The following SPDYE5 variants were observed in gnomAD, a reference collection of about 807,000 sequenced individuals.
SPDYE5 encodes the protein speedy protein E5.
A neutral mutation model predicts 48.5 loss-of-function variants in SPDYE5; 15 were observed. The observed-to-expected ratio is 0.31, with a 90% CI of 0.21 to 0.48. The LOEUF (loss-of-function observed/expected upper bound fraction) is 0.48, where lower values mean the gene tolerates loss of function less well. Ranked by LOEUF, SPDYE5 falls within the 20% of genes least tolerant of loss-of-function variation. The pLI is 0.99. For missense variants in SPDYE5, 331 were observed against 549.1 expected, an observed-to-expected ratio of 0.60 and a Z score of 3.97; for synonymous variants, 116 against 200.7, an observed-to-expected ratio of 0.58 and a Z score of 3.57.
At chr7:75,500,992 G>A (rs1453665579) in intron 6 of SPDYE5, among the ~76,000 whole-genome samples, 8 of 152,218 alleles carry the variant, frequency 5.3e-5, no homozygotes, top group African/African-American at 1.9e-4. Context: ...ACAGGCATGA[G>A]CCACCGCGTC....
chr7:75,503,771 ATTATT>A lies in SPDYE5; in HGVS notation c.*991_*995del, dbSNP rs1257285640. 6.7e-6 allele frequency: 1 copy of A among 149,396 alleles called. No homozygotes were observed. Among genetic ancestry groups the A allele is most frequent in the Non-Finnish European group, 1.5e-5 (1 of 67,410 alleles). The allele number at this position is 149,396 out of a possible 1,614,324, so 9.3% of individuals were successfully genotyped here. A position where few individuals can be genotyped will look rare whatever the true frequency, so the allele number is the denominator to read the frequency against. ...AACATGGGTATAGAATTATTTAAAT[ATTATT>A]TTATTTATTGAAATATTTATTAAAT... On this transcript the variant is annotated 3_prime_UTR_variant, in exon 9 of 9. Transcript: ENST00000625065.
At chr7:75,498,266 G>A (rs1382986929) in intron 5 of SPDYE5, among the ~76,000 whole-genome samples, 1 of 151,708 alleles carries the variant, frequency 6.6e-6, no homozygotes, top group Non-Finnish European at 1.5e-5. Context: ...TGGGATTACA[G>A]ACATGAACCA....
rs1172620928 is a variant in SPDYE5 at position 75,504,080 on chromosome 7, A to G, written c.*1293A>G. 9.2e-5 allele frequency: 14 copies of G among 152,242 alleles called. 2 individuals are homozygous for G. The highest frequency in any genetic ancestry group is 1.9e-4 in the East Asian group (1 of 5,190). The allele number at this position is 152,242 out of a possible 1,614,324, so 9.4% of individuals were successfully genotyped here. Reference sequence around the variant, plus strand: ...ATATATATTACATTTATAGCTATGTAGTAGTTCCCCTAAATTCTTGTAAAA... The same window carrying G: ...ATATATATTACATTTATAGCTATGTGGTAGTTCCCCTAAATTCTTGTAAAA... On this transcript the variant is annotated 3_prime_UTR_variant, in exon 9 of 9. Transcript: ENST00000625065.
chr7:75,501,707 C>G lies in SPDYE5; in HGVS notation c.1101C>G (p.Phe367Leu). 6.2e-7 allele frequency: 1 copy of G among 1,611,662 alleles called. No homozygotes were observed. Among genetic ancestry groups the G allele is most frequent in the Non-Finnish European group, 8.5e-7 (1 of 1,179,022 alleles). ...TCCAGAAACGTCGGTTCCAGTTCTT[C>G]TGTTCCATGAGCGGCAGGGCTTGGG... Reference protein sequence around the residue: ...VLFQKRRFQFFCSMSGRAWVS... With the variant: ...VLFQKRRFQFLCSMSGRAWVS... Residue 367 changes from phenylalanine (F) to leucine (L), a missense_variant, in exon 7 of 9, where the codon TTC becomes TTG. Coordinates refer to ENST00000625065, the MANE Select transcript of SPDYE5 (RefSeq NM_001306141.4).
At chr7:75,497,156 C>G (rs1196520429) in intron 4 of SPDYE5, among the ~76,000 whole-genome samples, 1 of 152,076 alleles carries the variant, frequency 6.6e-6, no homozygotes, top group Non-Finnish European at 1.5e-5. Flanking sequence ...CCTGAGATCC[C>G]AGCATGTTGG....
chr7:75,498,081 C>T (rs1350789122), intron 5 of SPDYE5, 85 bp downstream of exon 5: 3 of 1,378,754 alleles, frequency 2.2e-6, no homozygotes, highest in East Asian at 2.3e-5. Context: ...GTTCTCCCTC[C>T]ACCACCTCCC....
Position 75,502,994 on chromosome 7 carries a change from G to A in SPDYE5, c.*207G>A, listed in dbSNP as rs1793208166. On this transcript the variant is annotated 3_prime_UTR_variant, in exon 9 of 9. Coordinates refer to ENST00000625065, the MANE Select transcript of SPDYE5 (RefSeq NM_001306141.4). ...TACAGTGATCACGTTGTCCTCCTAG[G>A]AGCAGGGGTGGGGGGAGGGGGGTGG... is the stretch of plus-strand genomic sequence containing the variant. 1 of 445,596 alleles carries A rather than the reference G, an allele frequency of 2.2e-6. No individual in the cohort carries two copies. Among genetic ancestry groups the A allele is most frequent in the Non-Finnish European group, 4.3e-6 (1 of 233,260 alleles). The allele number at this position is 445,596 out of a possible 1,614,324, so 27.6% of individuals were successfully genotyped here.
chr7:75,496,528 G>A (rs1792939990), intron 3 of SPDYE5, 146 bp from the exon 4 acceptor site: 1 of 1,174,086 alleles, frequency 8.5e-7, no homozygotes, highest in Admixed American at 2.0e-5. Flanking sequence ...GAGCTCAGCA[G>A]AGGAGACAGA....
Position 75,501,767 on chromosome 7 carries a change from C to A in SPDYE5, c.1149+12C>A, listed in dbSNP as rs1554483607. On this transcript the variant is annotated intron_variant, in intron 7 of 8. Coordinates refer to ENST00000625065, the MANE Select transcript of SPDYE5 (RefSeq NM_001306141.4). ...AGGAGTTGGAGGAGGTAGGTGGGGCCTGGGGAGGTGGAGGAGGTGGGGAGG... is the reference window on the plus strand; with the variant it reads ...AGGAGTTGGAGGAGGTAGGTGGGGCATGGGGAGGTGGAGGAGGTGGGGAGG... 1.4e-6 allele frequency: 2 copies of A among 1,447,006 alleles called. No homozygotes were observed. The highest frequency in any genetic ancestry group is 3.1e-5 in the African/African-American group (2 of 64,070). 89.6% of individuals were successfully genotyped at this position (1,447,006 alleles called of 1,614,324 possible).
chr7:75,496,070 C>T (rs1191978019), intron 3 of SPDYE5, among the ~76,000 whole-genome samples: 31 of 146,358 alleles, frequency 2.1e-4, no homozygotes, highest in Non-Finnish European at 3.4e-4. Flanking sequence ...GGAAGGAGCA[C>T]GTGAGGAGGG....
chr7:75,497,494 A>T (rs1448980344), intron 4 of SPDYE5, among the ~76,000 whole-genome samples: 2 of 150,356 alleles, frequency 1.3e-5, no homozygotes, highest in Admixed American at 6.6e-5. Context: ...ATCAATAAAC[A>T]AAGAAAGTGG....
At chr7:75,495,577 G>C (rs1460686440) in intron 3 of SPDYE5, among the ~76,000 whole-genome samples, 1 of 152,262 alleles carries the variant, frequency 6.6e-6, no homozygotes. Context: ...TGGCGCTTGG[G>C]ATGAGAAAGC....
rs1404750213 is a variant in SPDYE5 at position 75,504,065 on chromosome 7, C to G, written c.*1278C>G. On this transcript the variant is annotated 3_prime_UTR_variant, in exon 9 of 9. Coordinates refer to ENST00000625065, the MANE Select transcript of SPDYE5 (RefSeq NM_001306141.4). ...TGATACTTAGTTAACATATATATTA[C>G]ATTTATAGCTATGTAGTAGTTCCCC... 6.6e-6 allele frequency: 1 copy of G among 151,956 alleles called. No individual in the cohort carries two copies. The highest frequency in any genetic ancestry group is 1.5e-5 in the Non-Finnish European group (1 of 67,990). The allele number at this position is 151,956 out of a possible 1,614,324, so 9.4% of individuals were successfully genotyped here. A position where few individuals can be genotyped will look rare whatever the true frequency, so the allele number is the denominator to read the frequency against.
chr7:75,501,788 G>A (rs781864158), intron 7 of SPDYE5, 33 bp downstream of exon 7: 23 of 1,612,450 alleles, frequency 1.4e-5, no homozygotes, highest in Non-Finnish European at 2.5e-6. Flanking sequence ...GAGGAGGTGG[G>A]GAGGAATCGG....
In SPDYE5 at chr7:75,503,974, C is replaced by A. The variant is rs1444487290; in HGVS notation, c.*1187C>A. 5.3e-5 allele frequency: 8 copies of A among 151,924 alleles called. No homozygotes were observed. The highest frequency in any genetic ancestry group is 1.2e-4 in the Non-Finnish European group (8 of 67,982). 9.4% of individuals were successfully genotyped at this position (151,924 alleles called of 1,614,324 possible). A position where few individuals can be genotyped will look rare whatever the true frequency, so the allele number is the denominator to read the frequency against. ...AGAGAGGATTCTTTTCATCCTAAAT[C>A]TTTTACCTTTCAATCTTTGTATCTA... On this transcript the variant is annotated 3_prime_UTR_variant, in exon 9 of 9. Transcript: ENST00000625065.
At chr7:75,494,406 T>G (rs1554482167) in intron 2 of SPDYE5, among the ~76,000 whole-genome samples, 199 bp downstream of exon 2, 1 of 145,050 alleles carries the variant, frequency 6.9e-6, no homozygotes, top group East Asian at 2.1e-4. Flanking sequence ...ATTAGCCAAG[T>G]GGTAGTGGTG....
chr7:75,501,846 C>A, intron 7 of SPDYE5, 32 bp from the exon 8 acceptor site: 1 of 1,611,894 alleles, frequency 6.2e-7, no homozygotes, highest in East Asian at 2.2e-5. Flanking sequence ...CTGGCGAGTC[C>A]CCGTCTTCTC....
At chr7:75,495,677 G>C (rs1792900009) in intron 3 of SPDYE5, among the ~76,000 whole-genome samples, 1 of 152,214 alleles carries the variant, frequency 6.6e-6, no homozygotes, top group East Asian at 1.9e-4. Context: ...TCAGGACTTT[G>C]AGGCTGCAGT....
At position 75,494,008 on chromosome 7, in the gene SPDYE5, A is replaced by T; in HGVS notation, c.-40A>T. 3 of 1,476,680 alleles carry T rather than the reference A, an allele frequency of 2.0e-6. No homozygotes were observed. In the South Asian group the frequency reaches 3.8e-5, roughly 19 times the overall value. 91.5% of individuals were successfully genotyped at this position (1,476,680 alleles called of 1,614,324 possible). On this transcript the variant is annotated 5_prime_UTR_variant, in exon 2 of 9. Coordinates refer to ENST00000625065, the MANE Select transcript of SPDYE5 (RefSeq NM_001306141.4). ...CTTCTCCTAGGCTTGAGAATTGATAACATACTCTTCTGGATCCTAGCAGTG... is the reference window on the plus strand; with the variant it reads ...CTTCTCCTAGGCTTGAGAATTGATATCATACTCTTCTGGATCCTAGCAGTG...
Sources: allele counts gnomAD v4.1 joint callset (sites outside exome capture counted in the v4.1 genomes callset), GRCh38; gene constraint gnomAD v4.1.1; transcripts MANE v1.5; gene names NCBI Gene and HGNC (gene_info 2026-07-23, HGNC 2026-07-21).